FHOD3: variants seen among roughly 807,000 people sequenced by gnomAD.
FHOD3 encodes the protein formin homology 2 domain containing 3, also known as FH1/FH2 domain-containing protein 3.
Under a neutral mutation model 173.0 loss-of-function variants are expected in FHOD3, and 90 were observed. The ratio of observed to expected loss-of-function variants is 0.52; its 90% CI spans 0.44 to 0.62. The LOEUF (loss-of-function observed/expected upper bound fraction) is 0.62, where lower values mean the gene tolerates loss of function less well. Among genes scored for constraint, FHOD3 ranks in the 20% least tolerant of loss-of-function variants. The pLI, the probability that FHOD3 is intolerant of heterozygous loss-of-function variation, is 0.00. For missense variants in FHOD3, 1,945 were observed against 2,034.7 expected, an observed-to-expected ratio of 0.96 and a Z score of 0.85; for synonymous variants, 828 against 823.0, an observed-to-expected ratio of 1.01 and a Z score of -0.10.
At chr18:36,748,382 A>AACACACACACACACAC in intron 24 of FHOD3, among the ~76,000 whole-genome samples, 3 of 143,572 alleles carry the variant, frequency 2.1e-5, no homozygotes, top group African/African-American at 7.8e-5. Flanking sequence ...ACACACACAC[A>AACACACACACACACAC]ACACACACAC....
intron 5 of FHOD3, among the ~76,000 whole-genome samples, chr18:36,569,044 T>C (rs1181939082): frequency 1.3e-5 from 2 of 151,994 alleles, no homozygotes; most frequent in Non-Finnish European, 2.9e-5. Flanking sequence ...GAAACGAAAT[T>C]TACAATGAAA....
At chr18:36,346,249 C>T (rs921508819) in intron 1 of FHOD3, among the ~76,000 whole-genome samples, 4 of 152,040 alleles carry the variant, frequency 2.6e-5, no homozygotes, top group African/African-American at 9.7e-5. Context: ...ACCTGCAGTC[C>T]CAGCTACTTG....
chr18:36,437,682 T>TTTTTTTTTTTTTTTTTTTTTTTTTA (rs71168224), intron 3 of FHOD3, among the ~76,000 whole-genome samples: 1 of 129,618 alleles, frequency 7.7e-6, no homozygotes. Flanking sequence ...TTTTTTTTTT[T>TTTTTTTTTTTTTTTTTTTTTTTTTA]AAGACAGAGT....
chr18:36,529,237 G>A (rs1007476289), intron 5 of FHOD3, among the ~76,000 whole-genome samples: 1 of 152,150 alleles, frequency 6.6e-6, no homozygotes, highest in Non-Finnish European at 1.5e-5. Context: ...GGACAGATGG[G>A]TGTAATTGCA....
At chr18:36,529,608 C>G (rs2056690634) in intron 5 of FHOD3, among the ~76,000 whole-genome samples, 1 of 151,902 alleles carries the variant, frequency 6.6e-6, no homozygotes. Flanking sequence ...CACTTGAGGT[C>G]AGGAGTTTGA....
intron 3 of FHOD3, among the ~76,000 whole-genome samples, chr18:36,457,486 GT>G (rs1392622061): frequency 2.6e-4 from 40 of 152,014 alleles, no homozygotes; most frequent in Non-Finnish European, 1.3e-4. Flanking sequence ...CAAAAATTTT[GT>G]TTTACATTCA....
At chr18:36,657,138 T>C (rs1180479195) in intron 13 of FHOD3, among the ~76,000 whole-genome samples, 1 of 152,220 alleles carries the variant, frequency 6.6e-6, no homozygotes, top group Non-Finnish European at 1.5e-5. Flanking sequence ...CAAGAAGCTC[T>C]TTGTGTCCTT....
intron 11 of FHOD3, among the ~76,000 whole-genome samples, chr18:36,651,766 A>G (rs1297872235): frequency 6.6e-6 from 1 of 151,962 alleles, no homozygotes; most frequent in African/African-American, 2.4e-5. Flanking sequence ...AAAAAAATGT[A>G]TATATTTAAG....
Position 36,691,816 on chromosome 18 carries a change from C to T in FHOD3, c.2022-1393C>T, listed in dbSNP as rs561655338. On this transcript the variant is annotated intron_variant, in intron 16 of 28. Transcript: ENST00000590592. ...GGCTTCTCCCTGCATGCTCTGCCTG[C>T]TTCCCATCAGCCTGCAAATGCAAGG... Among the ~76,000 whole-genome samples, 15 of 152,364 alleles carry T rather than the reference C, an allele frequency of 9.8e-5. 1 individual carries two copies. The highest frequency in any genetic ancestry group is 3.4e-4 in the African/African-American group (14 of 41,584).
rs1251397967 is a variant in FHOD3 at position 36,459,419 on chromosome 18, T to C, written c.338-42513T>C. On this transcript the variant is annotated intron_variant, in intron 3 of 28. Coordinates refer to ENST00000590592, the MANE Select transcript of FHOD3 (RefSeq NM_001281740.3). ...CCTGCTCACACCCAGAGCTTAGAGCTGGGCGAACCGCCTCGCTGGCTGGGC... is the reference window on the plus strand; with the variant it reads ...CCTGCTCACACCCAGAGCTTAGAGCCGGGCGAACCGCCTCGCTGGCTGGGC... Among the ~76,000 whole-genome samples the C allele has an allele frequency of 2.6e-5, 4 of 152,286 alleles. No homozygotes were observed. The East Asian group carries it at 5.8e-4, about 22-fold the overall frequency.
At chr18:36,478,269 AC>A (rs1457830633) in intron 3 of FHOD3, among the ~76,000 whole-genome samples, 6 of 152,158 alleles carry the variant, frequency 3.9e-5, no homozygotes, top group African/African-American at 1.4e-4. Context: ...TGAATGTAGC[AC>A]TTTTAAAATA....
intron 3 of FHOD3, among the ~76,000 whole-genome samples, chr18:36,395,025 A>T (rs1007724754): frequency 6.6e-6 from 1 of 152,226 alleles, no homozygotes; most frequent in Admixed American, 6.5e-5. Context: ...TGTCCAGGTT[A>T]TCAAGAACAC....
intron 3 of FHOD3, among the ~76,000 whole-genome samples, chr18:36,442,388 T>C (rs2051206236): frequency 6.6e-6 from 1 of 152,190 alleles, no homozygotes; most frequent in Admixed American, 6.5e-5. Context: ...TAGCTCTTCA[T>C]AAATAGGTAT....
chr18:36,776,688 T>G (rs1405994640), intron 28 of FHOD3, among the ~76,000 whole-genome samples: 8 of 152,194 alleles, frequency 5.3e-5, no homozygotes, highest in Admixed American at 5.2e-4. Context: ...GCTAAGGGAA[T>G]GAAGCCTATG....
At chr18:36,712,153 C>T (rs2040203663) in intron 18 of FHOD3, among the ~76,000 whole-genome samples, 1 of 152,188 alleles carries the variant, frequency 6.6e-6, no homozygotes, top group African/African-American at 2.4e-5. Flanking sequence ...TGACTACCAG[C>T]TAATAGATTA....
At chr18:36,646,410 C>G (rs751045214) in intron 10 of FHOD3, among the ~76,000 whole-genome samples, 5 of 152,056 alleles carry the variant, frequency 3.3e-5, no homozygotes, top group African/African-American at 9.7e-5. Context: ...ATATATATCA[C>G]AACCATAGAT....
At chr18:36,576,566 A>T in intron 6 of FHOD3, 21 bp downstream of exon 6, 1 of 1,582,512 alleles carries the variant, frequency 6.3e-7, no homozygotes, top group Non-Finnish European at 8.6e-7. Flanking sequence ...GTTATGGTTG[A>T]CTGTTTTGTT....
chr18:36,394,474 G>A (rs140093560), intron 3 of FHOD3, among the ~76,000 whole-genome samples: 247 of 152,284 alleles, frequency 1.6e-3, no homozygotes, highest in African/African-American at 5.8e-3. Flanking sequence ...CGCAGCACTA[G>A]ATGGGGACCA....
intron 6 of FHOD3, among the ~76,000 whole-genome samples, chr18:36,591,359 G>A (rs2059210333): frequency 6.6e-6 from 1 of 152,158 alleles, no homozygotes; most frequent in African/African-American, 2.4e-5. Context: ...CATCGCAATG[G>A]TTGGGGCGGA....
Sources: allele counts gnomAD v4.1 joint callset (sites outside exome capture counted in the v4.1 genomes callset), GRCh38; gene constraint gnomAD v4.1.1; transcripts MANE v1.5; gene names NCBI Gene and HGNC (gene_info 2026-07-23, HGNC 2026-07-21).